The following WHAMM variants were observed in gnomAD, a reference collection of about 807,000 sequenced individuals.
WHAMM encodes WASP homolog associated with actin, golgi membranes and microtubules, also known as WASP homolog-associated protein with actin, membranes and microtubules.
A neutral mutation model predicts 76.5 loss-of-function variants in WHAMM; 67 were observed. The ratio of observed to expected loss-of-function variants is 0.88; its 90% CI spans 0.72 to 1.07. The LOEUF (loss-of-function observed/expected upper bound fraction) is 1.07. Among genes scored for constraint, WHAMM ranks in the 50% least tolerant of loss-of-function variants. WHAMM has a pLI of 0.00. For synonymous variants in WHAMM, 419 were observed against 422.1 expected (o/e 0.99, Z 0.09); for missense variants, 1,021 against 1,051.1 (o/e 0.97, Z 0.40).
At position 82,810,098 on chromosome 15, in the gene WHAMM, C is replaced by A; in HGVS notation, c.372C>A (p.Leu124=). 1 of 1,280,178 alleles carries A rather than the reference C, an allele frequency of 7.8e-7. No homozygotes were observed. The highest frequency in any genetic ancestry group is 2.1e-5 in the South Asian group (1 of 46,756). The allele number at this position is 1,280,178 out of a possible 1,614,324, so 79.3% of individuals were successfully genotyped here. Residue 124 remains leucine (L), a synonymous_variant, in exon 1 of 10, where the codon CTC becomes CTA. Transcript: ENST00000286760. ...VGGGGAWGLG[L]GLWALLWPTR... ...GCGGCGGGGCCTGGGGTCTGGGGCT[C>A]GGGCTGTGGGCGCTGCTGTGGCCGA...
chr15:82,817,528 T>A (rs2050746359), intron 3 of WHAMM, among the ~76,000 whole-genome samples: 1 of 152,220 alleles, frequency 6.6e-6, no homozygotes, highest in Non-Finnish European at 1.5e-5. Context: ...TCTTGATTTT[T>A]TTTTATGAGT....
At position 82,835,622 on chromosome 15, in the gene WHAMM, T is replaced by G. The variant is rs77416013; in HGVS notation, c.*2086T>G. 1 of 152,376 alleles carries G rather than the reference T, an allele frequency of 6.6e-6. No homozygotes were observed. The highest frequency in any genetic ancestry group is 2.4e-5 in the African/African-American group (1 of 41,430). 9.4% of individuals were successfully genotyped at this position (152,376 alleles called of 1,614,324 possible). On this transcript the variant is annotated 3_prime_UTR_variant, in exon 10 of 10. Coordinates refer to ENST00000286760, the MANE Select transcript of WHAMM (RefSeq NM_001080435.3). ...CTTTTCAGAATGCAAATCCAACTCC[T>G]GTGTATGAATGAATGTGCCTCACTG...
Position 82,810,257 on chromosome 15 carries a change from C to A in WHAMM, c.531C>A (p.Ala177=). ...DALFPAEGGA[A]DCESPREFRE... Reference sequence around the variant, plus strand: ...TCTTCCCGGCTGAGGGCGGCGCGGCCGACTGCGAAAGCCCGCGCGAGTTCC... The same window carrying A: ...TCTTCCCGGCTGAGGGCGGCGCGGCAGACTGCGAAAGCCCGCGCGAGTTCC... Residue 177 remains alanine, a synonymous_variant, in exon 1 of 10, where the codon GCC becomes GCA. Coordinates refer to ENST00000286760, the MANE Select transcript of WHAMM (RefSeq NM_001080435.3). The A allele has an allele frequency of 7.2e-7, 1 of 1,389,340 alleles. No homozygotes were observed. Among genetic ancestry groups the A allele is most frequent in the Non-Finnish European group, 9.3e-7 (1 of 1,073,388 alleles). 86.1% of individuals were successfully genotyped at this position (1,389,340 alleles called of 1,614,324 possible). A position where few individuals can be genotyped will look rare whatever the true frequency, so the allele number is the denominator to read the frequency against.
chr15:82,810,569 C>A, intron 1 of WHAMM: 1 of 985,460 alleles, frequency 1.0e-6, no homozygotes, highest in Non-Finnish European at 1.2e-6. Context: ...AGTGTACTTG[C>A]AGCTGGGAGC....
At position 82,833,437 on chromosome 15, in the gene WHAMM, TGA is replaced by T. The variant is rs753084493; in HGVS notation, c.2335_2336del (p.Arg779GlufsTer15). 3 of 1,613,780 alleles carry T rather than the reference TGA, an allele frequency of 1.9e-6. No individual in the cohort carries two copies. Among genetic ancestry groups the T allele is most frequent in the African/African-American group, 2.7e-5 (2 of 74,886 alleles). Reference sequence around the variant, plus strand: ...CCAGCAACAGACGCACCAGTGACCTTGAGAGGAGCATCAAGGCTGCGCTCCAG... The same window carrying T: ...CCAGCAACAGACGCACCAGTGACCTTGAGGAGCATCAAGGCTGCGCTCCAG... Reference protein sequence around the residue: ...PTSNRRTSDLERSIKAALQRI... With the variant: ...PTSNRRTSDLXRSIKAALQRI... On this transcript the variant is annotated frameshift_variant, in exon 10 of 10. Transcript: ENST00000286760. LOFTEE classifies it high-confidence loss of function.
At chr15:82,825,736 C>T (rs1056930057) in intron 6 of WHAMM, among the ~76,000 whole-genome samples, 3 of 150,670 alleles carry the variant, frequency 2.0e-5, no homozygotes, top group Non-Finnish European at 2.9e-5. Flanking sequence ...TGCAGTGAGC[C>T]GAGATCACGC....
rs1170768767 is a variant in WHAMM at position 82,816,663 on chromosome 15, A to G, written c.784-29A>G. The G allele has an allele frequency of 5.2e-6, 8 of 1,527,830 alleles. No individual in the cohort carries two copies. The African/African-American group carries it at 1.1e-4, about 21-fold the overall frequency. The allele number at this position is 1,527,830 out of a possible 1,614,324, so 94.6% of individuals were successfully genotyped here. ...TGGCTCTACATAACTATTAGCTCTT[A>G]CTAAGAAAATTTTCCCTTCTGTCTG... On this transcript the variant is annotated intron_variant, in intron 2 of 9. Transcript: ENST00000286760.
chr15:82,830,170 G>A (rs528870111), intron 8 of WHAMM, among the ~76,000 whole-genome samples: 39 of 146,772 alleles, frequency 2.7e-4, no homozygotes, highest in Admixed American at 1.4e-3. Context: ...TGTTTCAGGC[G>A]TTGTACTATT....
intron 2 of WHAMM, among the ~76,000 whole-genome samples, chr15:82,815,531 T>C (rs2050712756): frequency 6.6e-6 from 1 of 152,236 alleles, no homozygotes; most frequent in African/African-American, 2.4e-5. Flanking sequence ...AATGTTTGTG[T>C]GTAAGTTTCT....
intron 1 of WHAMM, 21 bp downstream of exon 1, chr15:82,810,356 G>T: frequency 2.3e-6 from 3 of 1,301,596 alleles, no homozygotes; most frequent in East Asian, 3.2e-5. Flanking sequence ...CCCGGTCGCC[G>T]GCGTTCGTCC....
intron 5 of WHAMM, among the ~76,000 whole-genome samples, chr15:82,820,219 T>A (rs1448870276): frequency 6.6e-6 from 1 of 152,240 alleles, no homozygotes; most frequent in East Asian, 1.9e-4. Flanking sequence ...TGAGATATTT[T>A]GACATAGGCA....
Position 82,830,645 on chromosome 15 carries a change from T to G in WHAMM, c.1688T>G (p.Val563Gly). Reference protein sequence around the residue: ...SVRNTSGSEPVAPNLPSDLSQ... With the variant: ...SVRNTSGSEPGAPNLPSDLSQ... ...CGAAACACCTCTGGCTCAGAACCTG[T>G]GGCTCCAAACCTGCCAAGTGATCTT... is the stretch of plus-strand genomic sequence containing the variant. Residue 563 changes from valine (V) to glycine (G), a missense_variant, in exon 9 of 10, where the codon GTG (valine) becomes GGG (glycine). Around this residue, in one of 3 missense-constraint regions of WHAMM, gnomAD observed 509 missense variants for 492.3 expected, o/e 1.03. Transcript: ENST00000286760. The G allele has an allele frequency of 6.2e-7, 1 of 1,613,926 alleles. No individual in the cohort carries two copies. The highest frequency in any genetic ancestry group is 8.5e-7 in the Non-Finnish European group (1 of 1,179,890).
chr15:82,830,675 A>G lies in WHAMM; in HGVS notation c.1718A>G (p.Gln573Arg), dbSNP rs1379006113. ...CCAAACCTGCCAAGTGATCTTTCCC[A>G]GCAGATGTGCTTGCCAGCTTCCCAC... ...VAPNLPSDLS[Q>R]QMCLPASHAV... is the part of the protein sequence containing the mutation. Residue 573 changes from glutamine (Q) to arginine (R), a missense_variant, in exon 9 of 10, where the codon CAG becomes CGG. By Grantham distance (43) the Gln-to-Arg change is conservative. Around this residue, in one of 3 missense-constraint regions of WHAMM, gnomAD observed 509 missense variants for 492.3 expected, o/e 1.03. Transcript: ENST00000286760. The G allele has an allele frequency of 6.2e-7, 1 of 1,613,898 alleles. No individual in the cohort carries two copies. Among genetic ancestry groups the G allele is most frequent in the African/African-American group, 1.3e-5 (1 of 74,918 alleles).
At position 82,826,510 on chromosome 15, in the gene WHAMM, G is replaced by A. The variant is rs749179136; in HGVS notation, c.1545+14G>A. 7.9e-5 allele frequency: 127 copies of A among 1,610,450 alleles called. 1 individual carries two copies. The highest frequency in any genetic ancestry group is 3.1e-4 in the South Asian group (28 of 90,970). On this transcript the variant is annotated intron_variant, in intron 7 of 9. Transcript: ENST00000286760. ...AGTATTCAGATGGTGAGTCTCCTCC[G>A]AAGGAAAATGTTCTATGTTTGTGTA...
chr15:82,822,584 T>C (rs771084779), intron 5 of WHAMM, among the ~76,000 whole-genome samples: 4 of 152,222 alleles, frequency 2.6e-5, no homozygotes, highest in Non-Finnish European at 5.9e-5. Flanking sequence ...ATTATAGGCA[T>C]GCGCCACTGT....
At chr15:82,815,098 T>C (rs2050698018) in intron 2 of WHAMM, among the ~76,000 whole-genome samples, 2 of 128,648 alleles carry the variant, frequency 1.6e-5, no homozygotes, top group Admixed American at 1.8e-4. Flanking sequence ...TTTTAAGATA[T>C]CACTCACAGA....
intron 9 of WHAMM, 21 bp downstream of exon 9, chr15:82,831,100 C>T: frequency 6.3e-7 from 1 of 1,595,964 alleles, no homozygotes. Flanking sequence ...GGAATTCTGT[C>T]CCTGCTCCCC....
At position 82,834,611 on chromosome 15, in the gene WHAMM, T is replaced by G. The variant is rs1369929238; in HGVS notation, c.*1075T>G. ...GATTTCTCAGATTTGTAGGCTTGAA[T>G]GTGAATGTTATTTTATCAGTAATCA... is the stretch of plus-strand genomic sequence containing the variant. On this transcript the variant is annotated 3_prime_UTR_variant, in exon 10 of 10. Coordinates refer to ENST00000286760, the MANE Select transcript of WHAMM (RefSeq NM_001080435.3). 1 of 152,662 alleles carries G rather than the reference T, an allele frequency of 6.6e-6. No homozygotes were observed. Among genetic ancestry groups the G allele is most frequent in the Non-Finnish European group, 1.5e-5 (1 of 68,040 alleles). 9.5% of individuals were successfully genotyped at this position (152,662 alleles called of 1,614,324 possible). A position where few individuals can be genotyped will look rare whatever the true frequency, so the allele number is the denominator to read the frequency against.
intron 5 of WHAMM, among the ~76,000 whole-genome samples, chr15:82,822,875 T>C (rs2050855400): frequency 6.6e-6 from 1 of 151,766 alleles, no homozygotes; most frequent in African/African-American, 2.4e-5. Context: ...TATACATGCA[T>C]ACACTACATG....
Sources: allele counts gnomAD v4.1 joint callset (sites outside exome capture counted in the v4.1 genomes callset), GRCh38; gene constraint gnomAD v4.1.1; regional missense constraint gnomAD v4.1.1; transcripts MANE v1.5; gene names NCBI Gene and HGNC (gene_info 2026-07-23, HGNC 2026-07-21).